CALM3: variants seen among roughly 807,000 people sequenced by gnomAD.
CALM3 encodes calmodulin-3.
In CALM3, 5 loss-of-function variants were observed where a neutral mutation model predicts 20.1. That is an observed-to-expected ratio of 0.25 (90% confidence interval 0.13 to 0.52). The LOEUF is 0.52. CALM3 is among the 20% of genes least tolerant of loss of function. The pLI is 0.96. For missense variants in CALM3, 57 were observed against 192.8 expected (o/e 0.30, Z 4.17); for synonymous variants, 69 against 68.1 (o/e 1.01, Z -0.06).
At chr19:46,609,024 C>A (rs182901112) in intron 5 of CALM3, 43 bp downstream of exon 5, 1 of 1,607,464 alleles carries the variant, frequency 6.2e-7, no homozygotes, top group Non-Finnish European at 8.5e-7. Context: ...AGAAGAGAAT[C>A]GCAGCTTCAG....
Position 46,608,714 on chromosome 19 carries a change from C to G in CALM3, c.285+126C>G. The G allele has an allele frequency of 3.1e-6, 4 of 1,285,594 alleles. No individual in the cohort carries two copies. The highest frequency in any genetic ancestry group is 3.2e-6 in the Non-Finnish European group (3 of 923,408). The allele number at this position is 1,285,594 out of a possible 1,614,324, so 79.6% of individuals were successfully genotyped here. ...TCCCGGTGCCAGCCTCATTGCCAAC[C>G]TGCTCTGCCACCTCAGGCAGCCTCC... On this transcript the variant is annotated intron_variant, in intron 4 of 5. Transcript: ENST00000291295. This position sits in a 1 kb window ranked among gnomAD's most constrained non-coding sequence, Gnocchi z 5.5.
In CALM3 at chr19:46,608,052, G is replaced by A. The variant is rs1971780300; in HGVS notation, c.35-145G>A. 1.4e-6 allele frequency: 1 copy of A among 715,950 alleles called. No individual in the cohort carries two copies. The highest frequency in any genetic ancestry group is 2.4e-6 in the Non-Finnish European group (1 of 424,502). 44.3% of individuals were successfully genotyped at this position (715,950 alleles called of 1,614,324 possible). A position where few individuals can be genotyped will look rare whatever the true frequency, so the allele number is the denominator to read the frequency against. ...CCTGAGCACTGAGGAGAGAGAGCTG[G>A]TTGCGTGGGACTTGAAGTCTGTCTC... On this transcript the variant is annotated intron_variant, in intron 2 of 5. Transcript: ENST00000291295. The surrounding 1 kb of genome is among the most constrained non-coding windows in gnomAD (Gnocchi z 5.5).
upstream of CALM3, chr19:46,601,319 G>C: frequency 5.2e-6 from 5 of 960,968 alleles, no homozygotes; most frequent in Non-Finnish European, 6.7e-6. This position sits in a 1 kb window ranked among gnomAD's most constrained non-coding sequence, Gnocchi z 4.2. Flanking sequence ...GCGGCGGCGC[G>C]CGCTGCGGGC....
rs879757734 is a variant in CALM3, at chr19:46,602,074, T to C, written c.3+637T>C. ...GAGGGTGGTCTCCAGAGCCCAGCAC[T>C]GCAGAGGAGGAGGAGGGTGAGGTGC... On this transcript the variant is annotated intron_variant, in intron 1 of 5. Coordinates refer to ENST00000291295, the MANE Select transcript of CALM3 (RefSeq NM_005184.4). 881 of 1,300,842 alleles carry C rather than the reference T, an allele frequency of 6.8e-4. 1 individual carries two copies. The highest frequency in any genetic ancestry group is 8.4e-4 in the Non-Finnish European group (826 of 987,998). The allele number at this position is 1,300,842 out of a possible 1,614,324, so 80.6% of individuals were successfully genotyped here.
At chr19:46,607,074 G>A (rs1971757796) in intron 2 of CALM3, among the ~76,000 whole-genome samples, 1 of 152,188 alleles carries the variant, frequency 6.6e-6, no homozygotes, top group Non-Finnish European at 1.5e-5. Flanking sequence ...AGACCCCTGA[G>A]GAAAGCCAGA....
At position 46,601,432 on chromosome 19, in the gene CALM3, G is replaced by T. The variant is rs969897839; in HGVS notation, c.-3G>T. On this transcript the variant is annotated 5_prime_UTR_variant, in exon 1 of 6. Transcript: ENST00000291295. This position sits in a 1 kb window ranked among gnomAD's most constrained non-coding sequence, Gnocchi z 4.2. Reference sequence around the variant, plus strand: ...CCGTGCTCCGGACACCCCGGGCCTCGCCATGGTGAGTGAGGCTGGGGGGTC... The same window carrying T: ...CCGTGCTCCGGACACCCCGGGCCTCTCCATGGTGAGTGAGGCTGGGGGGTC... 4.0e-5 allele frequency: 60 copies of T among 1,501,490 alleles called. No individual in the cohort carries two copies. The highest frequency in any genetic ancestry group is 5.3e-5 in the Non-Finnish European group (60 of 1,126,390). 93.0% of individuals were successfully genotyped at this position (1,501,490 alleles called of 1,614,324 possible). A position where few individuals can be genotyped will look rare whatever the true frequency, so the allele number is the denominator to read the frequency against.
rs767096742 is a variant in CALM3, at chr19:46,608,870, G to A, written c.310G>A (p.Ala104Thr). The part of the protein sequence containing the change: ...DKDGNGYISA[A>T]ELRHVMTNLG... ...GGATGGGAATGGCTACATCAGCGCC[G>A]CAGAGCTGCGTCACGTAATGACGAA... is the stretch of plus-strand genomic sequence containing the variant. The change falls in exon 5 of 6, where the codon GCA becomes ACA. Residue 104 changes from alanine (A) to threonine (T), a missense_variant. Transcript: ENST00000291295. This position sits in a 1 kb window ranked among gnomAD's most constrained non-coding sequence, Gnocchi z 5.5. 2 of 1,584,382 alleles carry A rather than the reference G, an allele frequency of 1.3e-6. No individual in the cohort carries two copies. Among genetic ancestry groups the A allele is most frequent in the Admixed American group, 1.8e-5 (1 of 55,944 alleles).
rs200095251 is a variant in CALM3 at position 46,608,869 on chromosome 19, C to T, written c.309C>T (p.Ala103=). Reference sequence around the variant, plus strand: ...AGGATGGGAATGGCTACATCAGCGCCGCAGAGCTGCGTCACGTAATGACGA... The same window carrying T: ...AGGATGGGAATGGCTACATCAGCGCTGCAGAGCTGCGTCACGTAATGACGA... ...FDKDGNGYIS[A]AELRHVMTNL... Residue 103 remains alanine (A), a synonymous_variant, in exon 5 of 6, where the codon GCC becomes GCT. Transcript: ENST00000291295. This position sits in a 1 kb window ranked among gnomAD's most constrained non-coding sequence, Gnocchi z 5.5. 5.1e-5 allele frequency: 81 copies of T among 1,583,336 alleles called. No homozygotes were observed. In the Middle Eastern group the frequency reaches 5.3e-4, roughly 10 times the overall value.
rs773792527 is a variant in CALM3, at chr19:46,609,163, G to A, written c.*10G>A. ...GATGACTGCAAAGTGAAGGCCCCCC[G>A]GGCAGCTGGCGATGCCCGTTCTCTT... On this transcript the variant is annotated 3_prime_UTR_variant, in exon 6 of 6. Coordinates refer to ENST00000291295, the MANE Select transcript of CALM3 (RefSeq NM_005184.4). 5 of 1,613,526 alleles carry A rather than the reference G, an allele frequency of 3.1e-6. No homozygotes were observed. The highest frequency in any genetic ancestry group is 2.2e-5 in the East Asian group (1 of 44,850).
At position 46,609,410 on chromosome 19, in the gene CALM3, C is replaced by T. The variant is rs979548998; in HGVS notation, c.*257C>T. The stretch of plus-strand genomic sequence containing the variant: ...CATCCATGTCTTCCAAGGCCTGATG[C>T]ATTCATAAGTTGAAGCCCTCCCCAG... On this transcript the variant is annotated 3_prime_UTR_variant, in exon 6 of 6. Coordinates refer to ENST00000291295, the MANE Select transcript of CALM3 (RefSeq NM_005184.4). 18 of 567,094 alleles carry T rather than the reference C, an allele frequency of 3.2e-5. No individual in the cohort carries two copies. In the African/African-American group the frequency reaches 3.2e-4, roughly 10 times the overall value. The allele number at this position is 567,094 out of a possible 1,614,324, so 35.1% of individuals were successfully genotyped here.
Position 46,608,555 on chromosome 19 carries a change from G to A in CALM3, c.252G>A (p.Glu84=), listed in dbSNP as rs753104718. Residue 84 remains glutamate, a synonymous_variant, in exon 4 of 6, where the codon GAG becomes GAA. Transcript: ENST00000291295. The surrounding 1 kb of genome is among the most constrained non-coding windows in gnomAD (Gnocchi z 5.5). ...ARKMKDTDSE[E]EIREAFRVFD... ...AGATGAAGGACACAGACAGTGAGGA[G>A]GAGATCCGAGAGGCGTTCCGTGTCT... is the stretch of plus-strand genomic sequence containing the variant. The A allele has an allele frequency of 1.2e-6, 2 of 1,614,166 alleles. No individual in the cohort carries two copies. The highest frequency in any genetic ancestry group is 1.1e-5 in the South Asian group (1 of 91,090).
Position 46,601,494 on chromosome 19 carries a change from C to A in CALM3, c.3+57C>A. 7.1e-7 allele frequency: 1 copy of A among 1,404,512 alleles called. No individual in the cohort carries two copies. The allele number at this position is 1,404,512 out of a possible 1,614,324, so 87.0% of individuals were successfully genotyped here. A position where few individuals can be genotyped will look rare whatever the true frequency, so the allele number is the denominator to read the frequency against. ...GGGCTCTGAGGCGGGCTTAACGGGG[C>A]AGGACCCCTGAGGGGGCGACAGAGC... On this transcript the variant is annotated intron_variant, in intron 1 of 5. Transcript: ENST00000291295. The surrounding 1 kb of genome is among the most constrained non-coding windows in gnomAD (Gnocchi z 4.2).
chr19:46,603,179 G>A (rs1236040793), intron 1 of CALM3, among the ~76,000 whole-genome samples: 1 of 152,238 alleles, frequency 6.6e-6, no homozygotes, highest in East Asian at 1.9e-4. Context: ...CCGCTGCTGT[G>A]TATCAGATCT....
At chr19:46,604,015 C>T (rs1357692683) in intron 1 of CALM3, among the ~76,000 whole-genome samples, 2 of 152,320 alleles carry the variant, frequency 1.3e-5, no homozygotes, top group Admixed American at 6.5e-5. Flanking sequence ...TCTTGCAGGG[C>T]GGAACAGTGG....
At chr19:46,607,179 G>A (rs888858600) in intron 2 of CALM3, among the ~76,000 whole-genome samples, 2 of 152,056 alleles carry the variant, frequency 1.3e-5, no homozygotes, top group African/African-American at 4.8e-5. Flanking sequence ...GCACAGGGAG[G>A]TGCCAGCCTC....
Position 46,601,426 on chromosome 19 carries a change from G to C in CALM3, c.-9G>C. On this transcript the variant is annotated 5_prime_UTR_variant, in exon 1 of 6. Coordinates refer to ENST00000291295, the MANE Select transcript of CALM3 (RefSeq NM_005184.4). This position sits in a 1 kb window ranked among gnomAD's most constrained non-coding sequence, Gnocchi z 4.2. The stretch of plus-strand genomic sequence containing the variant: ...TGATCCCCGTGCTCCGGACACCCCG[G>C]GCCTCGCCATGGTGAGTGAGGCTGG... The C allele has an allele frequency of 6.6e-7, 1 of 1,503,836 alleles. No individual in the cohort carries two copies. The highest frequency in any genetic ancestry group is 8.9e-7 in the Non-Finnish European group (1 of 1,127,782). 93.2% of individuals were successfully genotyped at this position (1,503,836 alleles called of 1,614,324 possible). A position where few individuals can be genotyped will look rare whatever the true frequency, so the allele number is the denominator to read the frequency against.
chr19:46,605,971 C>T lies in CALM3; in HGVS notation c.34+114C>T, dbSNP rs1971734356. The T allele has an allele frequency of 2.2e-6, 2 of 913,720 alleles. No homozygotes were observed. Among genetic ancestry groups the T allele is most frequent in the South Asian group, 2.7e-5 (2 of 73,530 alleles). 56.6% of individuals were successfully genotyped at this position (913,720 alleles called of 1,614,324 possible). A position where few individuals can be genotyped will look rare whatever the true frequency, so the allele number is the denominator to read the frequency against. ...TGAACCTGTGTATCCCTTGTGTCAC[C>T]TAACACTATGCCTTGTGCCTAGAAT... is the stretch of plus-strand genomic sequence containing the variant. On this transcript the variant is annotated intron_variant, in intron 2 of 5. Transcript: ENST00000291295. The surrounding 1 kb of genome is among the most constrained non-coding windows in gnomAD (Gnocchi z 4.1).
At position 46,610,556 on chromosome 19, in the gene CALM3, T is replaced by A. The variant is rs997544640; in HGVS notation, c.*1403T>A. On this transcript the variant is annotated 3_prime_UTR_variant, in exon 6 of 6. Coordinates refer to ENST00000291295, the MANE Select transcript of CALM3 (RefSeq NM_005184.4). ...CCTGGGACCTGCCCAGCTTTGAGAA[T>A]CTCTTCTCATCCACCCTCTGGCACC... 7.4e-6 allele frequency: 1 copy of A among 135,826 alleles called. No homozygotes were observed. The highest frequency in any genetic ancestry group is 1.5e-5 in the Non-Finnish European group (1 of 65,602). 8.4% of individuals were successfully genotyped at this position (135,826 alleles called of 1,614,324 possible). A position where few individuals can be genotyped will look rare whatever the true frequency, so the allele number is the denominator to read the frequency against.
At position 46,607,343 on chromosome 19, in the gene CALM3, A is replaced by G. The variant is rs568542233; in HGVS notation, c.35-854A>G. Among the ~76,000 whole-genome samples the G allele has an allele frequency of 1.9e-3, 292 of 152,278 alleles. 3 individuals are homozygous for G. The South Asian group carries it at 0.029, about 15-fold the overall frequency. On this transcript the variant is annotated intron_variant, in intron 2 of 5. Transcript: ENST00000291295. ...TGCTTTTCACCCTGTCCCCATTAGC[A>G]AACTGTCCACCGCCTCACCCCAGCC...
Sources: allele counts gnomAD v4.1 joint callset (sites outside exome capture counted in the v4.1 genomes callset), GRCh38; gene constraint gnomAD v4.1.1; non-coding constraint Gnocchi (gnomAD v3.1); transcripts MANE v1.5; gene names NCBI Gene and HGNC (gene_info 2026-07-23, HGNC 2026-07-21).